TRIP12: variants seen among roughly 807,000 people sequenced by gnomAD.
The protein encoded by TRIP12 is E3 ubiquitin-protein ligase TRIP12.
TRIP12 carries 25 observed loss-of-function variants against 244.2 expected under a neutral mutation model. The observed-to-expected ratio is 0.10, with a 90% CI of 0.07 to 0.14. TRIP12 has a LOEUF of 0.14. Among genes scored for constraint, TRIP12 ranks in the 10% least tolerant of loss-of-function variants. The probability of loss-of-function intolerance (pLI) is 1.00; values close to 1 mark genes in which losing one functional copy is unlikely to be tolerated. For missense variants in TRIP12, 1,677 were observed against 2,486.4 expected (o/e 0.67, Z 6.92); for synonymous variants, 905 against 873.1 (o/e 1.04, Z -0.64).
chr2:229,913,593 A>G (rs2074764943), intron 1 of TRIP12, among the ~76,000 whole-genome samples: 1 of 152,234 alleles, frequency 6.6e-6, no homozygotes, highest in Non-Finnish European at 1.5e-5. Context: ...TAATGAGCCT[A>G]ATTTTGAAAA....
Position 229,797,842 on chromosome 2 carries a change from C to A in TRIP12, c.3483-11G>T, listed in dbSNP as rs1264622495. On this transcript the variant is annotated splice_polypyrimidine_tract_variant and intron_variant, in intron 23 of 41. Coordinates refer to ENST00000675903, the MANE Select transcript of TRIP12 (RefSeq NM_001348323.3). ...CCTTTAATTTTTTCTCTACAAGAAA[C>A]AAAAAGGAGATATTAAAGTCCCAGT... 3.1e-6 allele frequency: 5 copies of A among 1,607,374 alleles called. No individual in the cohort carries two copies. The Admixed American group carries it at 5.1e-5, about 17-fold the overall frequency.
At chr2:229,774,326 TA>T (rs1464136608) in intron 37 of TRIP12, 65 bp from the exon 38 acceptor site, 24 of 1,477,152 alleles carry the variant, frequency 1.6e-5, no homozygotes, top group Middle Eastern at 1.8e-4. Context: ...TTTAAAAAAA[TA>T]AAAGATATCC....
intron 5 of TRIP12, 54 bp from the exon 6 acceptor site, chr2:229,837,038 G>A: frequency 3.5e-5 from 50 of 1,442,834 alleles, no homozygotes; most frequent in Non-Finnish European, 4.4e-5. Context: ...CAGGAGCAAT[G>A]TATACACAAC....
rs1244497288 is a variant in TRIP12, at chr2:229,797,600, T to C, written c.3624+90A>G. 6.6e-6 allele frequency: 10 copies of C among 1,505,628 alleles called. No homozygotes were observed. The Admixed American group carries it at 1.3e-4, about 19-fold the overall frequency. 93.3% of individuals were successfully genotyped at this position (1,505,628 alleles called of 1,614,324 possible). On this transcript the variant is annotated intron_variant, in intron 24 of 41. Transcript: ENST00000675903. The stretch of plus-strand genomic sequence containing the variant: ...AGTCGATGTAGGATAGCTAAATCCA[T>C]AGGAAGCTAGAGAGTCATGAAGGAA...
intron 1 of TRIP12, among the ~76,000 whole-genome samples, chr2:229,900,306 T>C (rs1206685554): frequency 6.6e-6 from 1 of 152,228 alleles, no homozygotes; most frequent in African/African-American, 2.4e-5. Flanking sequence ...CCAATAACTG[T>C]TTCCTATCTA....
intron 4 of TRIP12, among the ~76,000 whole-genome samples, chr2:229,849,888 A>G (rs541603063): frequency 1.1e-4 from 17 of 151,922 alleles, no homozygotes; most frequent in South Asian, 2.1e-4. Flanking sequence ...AACACTGCAC[A>G]TAAGTGTTGA....
chr2:229,870,410 G>GTT (rs1317138142), intron 2 of TRIP12, among the ~76,000 whole-genome samples: 1 of 152,214 alleles, frequency 6.6e-6, no homozygotes, highest in African/African-American at 2.4e-5. Context: ...AAGCAGTAAC[G>GTT]TAAGGACAGA....
At chr2:229,843,675 T>C (rs1015433947) in intron 4 of TRIP12, among the ~76,000 whole-genome samples, 1 of 152,200 alleles carries the variant, frequency 6.6e-6, no homozygotes, top group Non-Finnish European at 1.5e-5. Context: ...GCCCAGGAGT[T>C]TGAGACCAGC....
intron 39 of TRIP12, among the ~76,000 whole-genome samples, chr2:229,769,740 T>C (rs73099230): frequency 0.015 from 2,316 of 152,168 alleles, 53 homozygotes; most frequent in African/African-American, 0.053. Flanking sequence ...GAGAGAACAT[T>C]GAGCTGGAGA....
At chr2:229,893,154 T>G (rs569971514) in intron 1 of TRIP12, among the ~76,000 whole-genome samples, 1 of 152,266 alleles carries the variant, frequency 6.6e-6, no homozygotes, top group Non-Finnish European at 1.5e-5. Context: ...GTTTTACATA[T>G]GTTTTATTAC....
intron 1 of TRIP12, among the ~76,000 whole-genome samples, chr2:229,915,849 C>T (rs2075283232): frequency 6.6e-6 from 1 of 152,062 alleles, no homozygotes; most frequent in Non-Finnish European, 1.5e-5. Context: ...CATGTGCCAC[C>T]ATGCCCAGCT....
intron 25 of TRIP12, among the ~76,000 whole-genome samples, chr2:229,795,831 CT>C (rs1404065077): frequency 2.0e-5 from 3 of 152,202 alleles, no homozygotes; most frequent in Non-Finnish European, 4.4e-5. Flanking sequence ...TACTGTCACG[CT>C]TCTAATGAAT....
In TRIP12 at chr2:229,898,928, C is replaced by A. The variant is rs138128525; in HGVS notation, c.-49-18800G>T. On this transcript the variant is annotated intron_variant, in intron 1 of 41. Coordinates refer to ENST00000675903, the MANE Select transcript of TRIP12 (RefSeq NM_001348323.3). The stretch of plus-strand genomic sequence containing the variant: ...CTGTTCCCCAGGCTGGTCTTAAACT[C>A]CTGGCTTCAAACGTTCCTCCAACCT... Among the ~76,000 whole-genome samples, 435 of 152,290 alleles carry A rather than the reference C, an allele frequency of 2.9e-3. 7 individuals are homozygous for A. The highest frequency in any genetic ancestry group is 8.0e-3 in the African/African-American group (331 of 41,556).
In TRIP12 at chr2:229,905,475, G is replaced by C. The variant is rs1024860467; in HGVS notation, c.-50+16405C>G. The stretch of plus-strand genomic sequence containing the variant: ...CCACAGACCCTCACTTGTAGAATAA[G>C]GCCCTCAGTTATTATACTGTCTTCT... On this transcript the variant is annotated intron_variant, in intron 1 of 41. Coordinates refer to ENST00000675903, the MANE Select transcript of TRIP12 (RefSeq NM_001348323.3). Among the ~76,000 whole-genome samples the C allele has an allele frequency of 2.0e-5, 3 of 151,878 alleles. No homozygotes were observed. The South Asian group carries it at 6.3e-4, about 32-fold the overall frequency.
intron 2 of TRIP12, among the ~76,000 whole-genome samples, chr2:229,866,918 T>C (rs903001074): frequency 6.6e-6 from 1 of 152,180 alleles, no homozygotes; most frequent in Non-Finnish European, 1.5e-5. Flanking sequence ...CAGGAAATTT[T>C]AAAGCCCATA....
intron 6 of TRIP12, among the ~76,000 whole-genome samples, chr2:229,835,731 G>A (rs2154303737): frequency 6.6e-6 from 1 of 152,316 alleles, no homozygotes; most frequent in East Asian, 1.9e-4. Flanking sequence ...ATAGCCTGCA[G>A]CTCCTTTTCT....
intron 4 of TRIP12, among the ~76,000 whole-genome samples, chr2:229,846,746 T>C (rs1431478797): frequency 6.6e-6 from 1 of 152,208 alleles, no homozygotes; most frequent in Non-Finnish European, 1.5e-5. Context: ...AACTCAGTAA[T>C]AATAAGACAG....
chr2:229,785,646 A>G, intron 34 of TRIP12, 111 bp downstream of exon 34: 2 of 965,682 alleles, frequency 2.1e-6, no homozygotes, highest in Non-Finnish European at 3.0e-6. Flanking sequence ...GAGAAAAGAG[A>G]GCAAAGTCTC....
chr2:229,827,921 G>A (rs2052185880), intron 8 of TRIP12, among the ~76,000 whole-genome samples: 1 of 152,078 alleles, frequency 6.6e-6, no homozygotes. Flanking sequence ...GTGGCCCAGG[G>A]AAGCAAAAAG....
Sources: allele counts gnomAD v4.1 joint callset (sites outside exome capture counted in the v4.1 genomes callset), GRCh38; gene constraint gnomAD v4.1.1; transcripts MANE v1.5; gene names NCBI Gene and HGNC (gene_info 2026-07-23, HGNC 2026-07-21).